L2HGDH: variants seen among roughly 807,000 people sequenced by gnomAD.
L2HGDH encodes the protein L-2-hydroxyglutarate dehydrogenase, also known as L-2-hydroxyglutarate dehydrogenase, mitochondrial.
In L2HGDH, 34 loss-of-function variants were observed where a neutral mutation model predicts 51.5. The observed-to-expected ratio is 0.66, with a 90% CI of 0.50 to 0.88. The LOEUF (loss-of-function observed/expected upper bound fraction) is 0.88, where lower values mean the gene tolerates loss of function less well. Ranked by LOEUF, L2HGDH falls within the 40% of genes least tolerant of loss-of-function variation. The probability of loss-of-function intolerance (pLI) is 0.00; values close to 1 mark genes in which losing one functional copy is unlikely to be tolerated. For synonymous variants in L2HGDH, 198 were observed against 197.9 expected (o/e 1.00, Z -0.01); for missense variants, 558 against 571.9 (o/e 0.98, Z 0.25).
At position 50,247,154 on chromosome 14, in the gene L2HGDH, A is replaced by C. The variant is rs1888052185; in HGVS notation, c.1296T>G (p.Ile432Met). 6.2e-7 allele frequency: 1 copy of C among 1,614,078 alleles called. No homozygotes were observed. Among genetic ancestry groups the C allele is most frequent in the African/African-American group, 1.3e-5 (1 of 74,928 alleles). The change falls in exon 10 of 10, where the codon ATT becomes ATG. Residue 432 changes from isoleucine (I) to methionine (M), a missense_variant. Physicochemically the swap from Ile to Met is conservative, Grantham distance 10 (BLOSUM62 1). Coordinates refer to ENST00000267436, the MANE Select transcript of L2HGDH (RefSeq NM_024884.3). ...GAGAAGGTGCATTTCTCACATGAAG[A>C]ATGCGATTTCCAATATCCCCAACTC... ...DAGVGDIGNR[I>M]LHVRNAPSPA...
rs1451411908 is a variant in L2HGDH, at chr14:50,269,401, G to A, written c.739-71C>T. 4.0e-5 allele frequency: 57 copies of A among 1,410,854 alleles called. No individual in the cohort carries two copies. In the South Asian group the frequency reaches 5.2e-4, roughly 13 times the overall value. The allele number at this position is 1,410,854 out of a possible 1,614,324, so 87.4% of individuals were successfully genotyped here. Reference sequence around the variant, plus strand: ...ATAGGTCAAGAGGGGAAAAACAGGTGATAGAAAAGAAAAAAAGGTACAGAA... The same window carrying A: ...ATAGGTCAAGAGGGGAAAAACAGGTAATAGAAAAGAAAAAAAGGTACAGAA... On this transcript the variant is annotated intron_variant, in intron 6 of 9. Coordinates refer to ENST00000267436, the MANE Select transcript of L2HGDH (RefSeq NM_024884.3).
At chr14:50,264,232 G>T (rs1889211006) in intron 9 of L2HGDH, among the ~76,000 whole-genome samples, 1 of 151,854 alleles carries the variant, frequency 6.6e-6, no homozygotes, top group Admixed American at 6.6e-5. Context: ...TACAAAATTA[G>T]CCGGGCGTGG....
intron 9 of L2HGDH, among the ~76,000 whole-genome samples, chr14:50,253,352 T>A (rs1032707515): frequency 6.6e-6 from 1 of 151,876 alleles, no homozygotes; most frequent in Non-Finnish European, 1.5e-5. Flanking sequence ...AATTTAATAA[T>A]CCAATTTTAA....
At chr14:50,272,796 C>A (rs957501184) in intron 6 of L2HGDH, among the ~76,000 whole-genome samples, 2 of 152,168 alleles carry the variant, frequency 1.3e-5, no homozygotes, top group African/African-American at 4.8e-5. Context: ...TTCCCATGGC[C>A]CCTACTCCTG....
At chr14:50,266,193 A>G (rs1002158143) in intron 8 of L2HGDH, among the ~76,000 whole-genome samples, 1 of 151,838 alleles carries the variant, frequency 6.6e-6, no homozygotes, top group Non-Finnish European at 1.5e-5. Flanking sequence ...TCAAATTCCC[A>G]AGGAGTGCTG....
intron 4 of L2HGDH, 112 bp from the exon 5 acceptor site, chr14:50,284,145 G>C (rs1890432880): frequency 2.2e-6 from 2 of 909,474 alleles, no homozygotes; most frequent in Non-Finnish European, 3.4e-6. Flanking sequence ...ATTTTGCCAA[G>C]CTTTTCTTGC....
chr14:50,271,700 C>T (rs1158126492), intron 6 of L2HGDH, among the ~76,000 whole-genome samples: 2 of 151,352 alleles, frequency 1.3e-5, no homozygotes. Context: ...AGATAAAGTC[C>T]CCAATTAAAA....
chr14:50,298,523 C>T (rs2030213446), intron 3 of L2HGDH, among the ~76,000 whole-genome samples: 1 of 151,924 alleles, frequency 6.6e-6, no homozygotes, highest in African/African-American at 2.4e-5. Context: ...CCACGTTGGT[C>T]AGTCTGGTCT....
chr14:50,267,389 AG>A (rs1490612371), intron 8 of L2HGDH, among the ~76,000 whole-genome samples: 1 of 152,008 alleles, frequency 6.6e-6, no homozygotes, highest in Non-Finnish European at 1.5e-5. Context: ...TCATCGTGTT[AG>A]CCAGGATGGT....
chr14:50,311,971 G>T (rs577072351), intron 1 of L2HGDH, 40 bp downstream of exon 1: 9 of 1,543,328 alleles, frequency 5.8e-6, no homozygotes, highest in Non-Finnish European at 7.8e-6. Flanking sequence ...TCCGCGAGGG[G>T]CAGCAGCGCA....
At chr14:50,256,528 A>AG (rs1279480183) in intron 9 of L2HGDH, among the ~76,000 whole-genome samples, 1 of 152,036 alleles carries the variant, frequency 6.6e-6, no homozygotes, top group African/African-American at 2.4e-5. Flanking sequence ...CAAAAAAAAA[A>AG]AAAAAATTAA....
chr14:50,308,172 C>G (rs1209599254), intron 1 of L2HGDH, among the ~76,000 whole-genome samples: 1 of 152,190 alleles, frequency 6.6e-6, no homozygotes, highest in Admixed American at 6.5e-5. Flanking sequence ...GGGCGGATCA[C>G]CTGACGTCAG....
At chr14:50,305,085 C>G (rs1215290641) in intron 1 of L2HGDH, among the ~76,000 whole-genome samples, 1 of 152,162 alleles carries the variant, frequency 6.6e-6, no homozygotes, top group Non-Finnish European at 1.5e-5. Flanking sequence ...GAACCAGAAA[C>G]AGATCCTAGA....
Position 50,244,620 on chromosome 14 carries a change from A to AGGAT in L2HGDH, c.*2437_*2438insATCC. 16 of 985,416 alleles carry AGGAT rather than the reference A, an allele frequency of 1.6e-5. No individual in the cohort carries two copies. The highest frequency in any genetic ancestry group is 1.8e-5 in the Non-Finnish European group (15 of 829,922). The allele number at this position is 985,416 out of a possible 1,614,324, so 61.0% of individuals were successfully genotyped here. A position where few individuals can be genotyped will look rare whatever the true frequency, so the allele number is the denominator to read the frequency against. On this transcript the variant is annotated 3_prime_UTR_variant, in exon 10 of 10. Transcript: ENST00000267436. ...ATATCTGAATGCTTTTAATATACTC[A>AGGAT]TCCTAAGAGTTGAATAATGGCCTAC...
chr14:50,278,761 T>C (rs1890105700), intron 5 of L2HGDH, among the ~76,000 whole-genome samples: 1 of 152,260 alleles, frequency 6.6e-6, no homozygotes, highest in Non-Finnish European at 1.5e-5. Context: ...TTAGCTTGAT[T>C]TTAATTCACC....
intron 4 of L2HGDH, among the ~76,000 whole-genome samples, chr14:50,284,458 A>G (rs1160104397): frequency 6.8e-6 from 1 of 146,744 alleles, no homozygotes; most frequent in Non-Finnish European, 1.5e-5. Context: ...TTCTTCAGGT[A>G]ATACAAGAAA....
intron 8 of L2HGDH, among the ~76,000 whole-genome samples, chr14:50,266,097 G>T (rs1014061358): frequency 7.4e-5 from 11 of 148,972 alleles, no homozygotes; most frequent in Admixed American, 6.7e-4. Flanking sequence ...AGTAACCAAT[G>T]ATTGTGCCAC....
chr14:50,259,798 C>T (rs949837682), intron 9 of L2HGDH, among the ~76,000 whole-genome samples: 3 of 151,860 alleles, frequency 2.0e-5, no homozygotes, highest in Non-Finnish European at 4.4e-5. Context: ...TGCGCCACTG[C>T]ACTCCAGCCT....
intron 8 of L2HGDH, 98 bp downstream of exon 8, chr14:50,267,655 T>C: frequency 2.2e-6 from 2 of 926,172 alleles, no homozygotes; most frequent in South Asian, 2.9e-5. Context: ...ATCACAAATA[T>C]GGGGATTTAC....
Sources: allele counts gnomAD v4.1 joint callset (sites outside exome capture counted in the v4.1 genomes callset), GRCh38; gene constraint gnomAD v4.1.1; transcripts MANE v1.5; gene names NCBI Gene and HGNC (gene_info 2026-07-23, HGNC 2026-07-21).